Variants in SARDH observed in about 807,000 individuals in gnomAD.
SARDH encodes the protein sarcosine dehydrogenase, mitochondrial.
SARDH carries 95 observed loss-of-function variants against 109.1 expected under a neutral mutation model. The observed-to-expected ratio is 0.87, with a 90% confidence interval of 0.74 to 1.03. The LOEUF is 1.03. SARDH is among the 50% of genes least tolerant of loss of function. The probability of loss-of-function intolerance (pLI) is 0.00; values close to 1 mark genes in which losing one functional copy is unlikely to be tolerated. For synonymous variants in SARDH, 572 were observed against 534.8 expected, an observed-to-expected ratio of 1.07 and a Z score of -0.96; for missense variants, 1,267 against 1,287.8, an observed-to-expected ratio of 0.98 and a Z score of 0.25.
intron 13 of SARDH, among the ~76,000 whole-genome samples, chr9:133,697,170 T>G (rs1395389978): frequency 6.6e-6 from 1 of 152,132 alleles, no homozygotes; most frequent in Non-Finnish European, 1.5e-5. Context: ...TCCGAACACG[T>G]GTATGCCAAC....
At position 133,693,356 on chromosome 9, in the gene SARDH, G is replaced by A. The variant is rs2131388901; in HGVS notation, c.1921+902C>T. ...TCTCTCCCCCAGTGCCCAAGCTGGG[G>A]CTCGACACTGACCGAGTCCCAGTGA... On this transcript the variant is annotated intron_variant, in intron 15 of 20. Transcript: ENST00000439388. This position sits in a 1 kb window ranked among gnomAD's most constrained non-coding sequence, Gnocchi z 5.6. Among the ~76,000 whole-genome samples, 2 of 152,262 alleles carry A rather than the reference G, an allele frequency of 1.3e-5. No homozygotes were observed. The highest frequency in any genetic ancestry group is 4.2e-4 in the South Asian group (2 of 4,816).
intron 8 of SARDH, among the ~76,000 whole-genome samples, chr9:133,715,685 G>A (rs1325333183): frequency 2.0e-5 from 3 of 152,132 alleles, no homozygotes; most frequent in Admixed American, 6.5e-5. Flanking sequence ...TCCCTGCATG[G>A]CCCGTGGAAG....
At chr9:133,664,189 C>T (rs184020888) in intron 20 of SARDH, among the ~76,000 whole-genome samples, 175 bp from the exon 21 acceptor site, 6 of 152,336 alleles carry the variant, frequency 3.9e-5, no homozygotes, top group East Asian at 1.9e-4. Flanking sequence ...AGGTGCAGTT[C>T]GTGTCCATGT....
chr9:133,735,513 G>A (rs890779511), intron 1 of SARDH, among the ~76,000 whole-genome samples: 1 of 152,238 alleles, frequency 6.6e-6, no homozygotes, highest in Non-Finnish European at 1.5e-5. Context: ...AGGACAGGCA[G>A]TCAAAGGAGT....
intron 8 of SARDH, among the ~76,000 whole-genome samples, chr9:133,714,023 G>A (rs1479593705): frequency 6.6e-6 from 1 of 152,202 alleles, no homozygotes; most frequent in African/African-American, 2.4e-5. Context: ...TGAACTGAGG[G>A]CCACGCGTCA....
intron 6 of SARDH, among the ~76,000 whole-genome samples, chr9:133,727,395 C>T (rs920859491): frequency 1.8e-4 from 27 of 152,224 alleles, no homozygotes; most frequent in African/African-American, 5.8e-4. Flanking sequence ...TCCTGCTGCA[C>T]GAGGCTGCCA....
chr9:133,727,703 A>C (rs1832539766), intron 6 of SARDH, among the ~76,000 whole-genome samples: 1 of 142,200 alleles, frequency 7.0e-6, no homozygotes, highest in African/African-American at 2.4e-5. Flanking sequence ...GCTGGGGCTG[A>C]TGGCCCTTTT....
At position 133,736,355 on chromosome 9, in the gene SARDH, G is replaced by A. The variant is rs1461301182; in HGVS notation, c.-31+1899C>T. Reference sequence around the variant, plus strand: ...CTATGTTGCAGCTCTTTTGCTGTGTGTCTCATGTTTAAATTCTGTTTTGTT... The same window carrying A: ...CTATGTTGCAGCTCTTTTGCTGTGTATCTCATGTTTAAATTCTGTTTTGTT... On this transcript the variant is annotated intron_variant, in intron 1 of 20. Transcript: ENST00000439388. Among the ~76,000 whole-genome samples the A allele has an allele frequency of 2.0e-5, 3 of 151,790 alleles. No individual in the cohort carries two copies. In the East Asian group the frequency reaches 5.8e-4, roughly 30 times the overall value.
At chr9:133,732,344 C>G in intron 3 of SARDH, 79 bp downstream of exon 3, 13 of 705,960 alleles carry the variant, frequency 1.8e-5, no homozygotes, top group East Asian at 6.2e-5. Context: ...ACAGGGGGTG[C>G]ACCCACCAAT....
chr9:133,667,492 C>T (rs1225708076), intron 19 of SARDH, among the ~76,000 whole-genome samples: 4 of 151,590 alleles, frequency 2.6e-5, no homozygotes, highest in Non-Finnish European at 5.9e-5. Context: ...TAGTACAATA[C>T]ATACTTTATT....
chr9:133,735,541 G>A (rs554983456), intron 1 of SARDH, among the ~76,000 whole-genome samples: 1 of 152,318 alleles, frequency 6.6e-6, no homozygotes, highest in African/African-American at 2.4e-5. Context: ...TCCTGGGGAC[G>A]CAGCAACCGT....
intron 6 of SARDH, among the ~76,000 whole-genome samples, chr9:133,721,468 C>T (rs191238360): frequency 1.7e-4 from 26 of 152,300 alleles, no homozygotes; most frequent in African/African-American, 5.5e-4. Flanking sequence ...CCAGAGAACA[C>T]GCTGTGACAA....
At chr9:133,678,267 T>G (rs958957770) in intron 17 of SARDH, among the ~76,000 whole-genome samples, 3 of 152,032 alleles carry the variant, frequency 2.0e-5, no homozygotes, top group Non-Finnish European at 4.4e-5. Context: ...GGTTCTAGGA[T>G]TCAGACCATG....
Position 133,717,398 on chromosome 9 carries a change from G to A in SARDH, c.1078C>T (p.His360Tyr). Residue 360 changes from histidine to tyrosine, a missense_variant, in exon 8 of 21, where the codon CAC (histidine) becomes TAC (tyrosine). Transcript: ENST00000439388. ...FDLDWEVFTQ[H>Y]IEGAINRVPV... ...ACCCTGTTGATGGCGCCTTCAATGT[G>A]CTGGGTGAACACCTCCCAGTCCAGG... 6.2e-7 allele frequency: 1 copy of A among 1,614,118 alleles called. No homozygotes were observed.
At position 133,717,434 on chromosome 9, in the gene SARDH, C is replaced by G. The variant is rs747222780; in HGVS notation, c.1042G>C (p.Gly348Arg). ...WEEVSDKFAF[G>R]LFDLDWEVFT... ...ACCTCCCAGTCCAGGTCAAAGAGGC[C>G]GAAGGCAAACTTGTCTGACACCTGC... The change falls in exon 8 of 21, where the codon GGC (glycine) becomes CGC (arginine). Residue 348 changes from glycine (G) to arginine (R), a missense_variant. By Grantham distance (125) the Gly-to-Arg change is moderately radical (BLOSUM62 -2). Coordinates refer to ENST00000439388, the MANE Select transcript of SARDH (RefSeq NM_001134707.2). The G allele has an allele frequency of 6.2e-7, 1 of 1,614,044 alleles. No homozygotes were observed. The highest frequency in any genetic ancestry group is 8.5e-7 in the Non-Finnish European group (1 of 1,179,980).
intron 17 of SARDH, among the ~76,000 whole-genome samples, chr9:133,681,234 A>G (rs779774694): frequency 3.9e-5 from 6 of 152,110 alleles, no homozygotes; most frequent in Non-Finnish European, 5.9e-5. Flanking sequence ...TGGGTAGAGC[A>G]GGGGCAGCTG....
In SARDH at chr9:133,709,082, T is replaced by C. The variant is rs573907089; in HGVS notation, c.1329-654A>G. On this transcript the variant is annotated intron_variant, in intron 10 of 20. Coordinates refer to ENST00000439388, the MANE Select transcript of SARDH (RefSeq NM_001134707.2). This position sits in a 1 kb window ranked among gnomAD's most constrained non-coding sequence, Gnocchi z 4.2. ...ATCCCAGCTGTGTCTGGGGAGCGGC[T>C]GCCCAATCCAGCGCCTGGGACCGGA... Among the ~76,000 whole-genome samples, 113 of 152,242 alleles carry C rather than the reference T, an allele frequency of 7.4e-4. No individual in the cohort carries two copies. Among genetic ancestry groups the C allele is most frequent in the African/African-American group, 2.6e-3 (108 of 41,556 alleles).
chr9:133,719,192 G>A (rs375422009), intron 6 of SARDH, 150 bp from the exon 7 acceptor site: 34 of 632,476 alleles, frequency 5.4e-5, no homozygotes, highest in Non-Finnish European at 7.3e-5. Flanking sequence ...GAGTGGACAC[G>A]GGGCCTCAAG....
chr9:133,739,352 C>T (rs145348643), upstream of SARDH, among the ~76,000 whole-genome samples: 4 of 152,330 alleles, frequency 2.6e-5, no homozygotes, highest in African/African-American at 9.6e-5. Context: ...CCGAGGATGT[C>T]CGACTGTCTT....
Sources: gnomAD v4.1 joint callset for allele counts (sites outside exome capture counted in the v4.1 genomes callset) on GRCh38, gnomAD v4.1.1 for gene constraint, Gnocchi (gnomAD v3.1) non-coding constraint, MANE v1.5 for transcripts, NCBI Gene and HGNC (gene_info 2026-07-23, HGNC 2026-07-21) for gene names.